Variants in FZR1 observed in about 807,000 individuals in gnomAD.
FZR1 encodes the protein fizzy-related protein homolog.
A neutral mutation model predicts 63.6 loss-of-function variants in FZR1; 11 were observed. That is an observed-to-expected ratio of 0.17 (90% confidence interval 0.11 to 0.29). The LOEUF (loss-of-function observed/expected upper bound fraction) is 0.29, where lower values mean the gene tolerates loss of function less well. Ranked by LOEUF, FZR1 falls within the 10% of genes least tolerant of loss-of-function variation. The pLI is 1.00. For synonymous variants in FZR1, 328 were observed against 297.9 expected (o/e 1.10, Z -1.04); for missense variants, 440 against 687.5 (o/e 0.64, Z 4.03).
chr19:3,534,409 T>C lies in FZR1; in HGVS notation c.1348-12T>C. 1 of 1,512,934 alleles carries C rather than the reference T, an allele frequency of 6.6e-7. No homozygotes were observed. The allele number at this position is 1,512,934 out of a possible 1,614,324, so 93.7% of individuals were successfully genotyped here. ...GGCCCAGAGACATGGGGTGCTTCCC[T>C]CCTGTCCACAGGCAATGTCCCCTGA... On this transcript the variant is annotated splice_polypyrimidine_tract_variant and intron_variant, in intron 12 of 13. Transcript: ENST00000441788.
chr19:3,508,948 G>A (rs1201836791), intron 1 of FZR1, among the ~76,000 whole-genome samples: 2 of 152,170 alleles, frequency 1.3e-5, no homozygotes, highest in African/African-American at 2.4e-5. Flanking sequence ...TCAGTGCCCT[G>A]GGCTGTGTGC....
rs539385415 is a variant in FZR1 at position 3,520,019 on chromosome 19, T to TC, written c.-34-2934dup. 2.1e-4 allele frequency among the ~76,000 whole-genome samples: 32 copies of TC among 152,240 alleles called. No individual in the cohort carries two copies. In the East Asian group the frequency reaches 5.8e-3, roughly 28 times the overall value. On this transcript the variant is annotated intron_variant, in intron 1 of 13. Coordinates refer to ENST00000441788, the MANE Select transcript of FZR1 (RefSeq NM_016263.4). ...GATTCCCTGTTCATCTGCAAATCAG[T>TC]CCCGGGGGGCCCCACACCCACACCT...
At chr19:3,519,087 G>T (rs954615537) in intron 1 of FZR1, among the ~76,000 whole-genome samples, 1 of 152,208 alleles carries the variant, frequency 6.6e-6, no homozygotes, top group Non-Finnish European at 1.5e-5. Context: ...CAGGGGCCGT[G>T]GGGGCACAGA....
At chr19:3,506,970 T>C (rs1289390555) in intron 1 of FZR1, among the ~76,000 whole-genome samples, 1 of 151,964 alleles carries the variant, frequency 6.6e-6, no homozygotes, top group African/African-American at 2.4e-5. Flanking sequence ...GAGCCTGTGG[T>C]GTGCGATGGC....
At chr19:3,527,598 T>C (rs1412295381) in intron 6 of FZR1, 33 bp from the exon 7 acceptor site, 4 of 1,577,352 alleles carry the variant, frequency 2.5e-6, no homozygotes, top group African/African-American at 2.7e-5. Flanking sequence ...CCAAGTGCCG[T>C]GGCTCACGGA....
At position 3,534,919 on chromosome 19, in the gene FZR1, C is replaced by T; in HGVS notation, c.*83C>T. On this transcript the variant is annotated 3_prime_UTR_variant, in exon 14 of 14. Transcript: ENST00000441788. ...TCAGCTTGCATGGACTCTGCCTTCCCAGCGCTTGTCCCCCGAGGAAGGCGG... is the reference window on the plus strand; with the variant it reads ...TCAGCTTGCATGGACTCTGCCTTCCTAGCGCTTGTCCCCCGAGGAAGGCGG... The T allele has an allele frequency of 8.7e-7, 1 of 1,143,208 alleles. No individual in the cohort carries two copies. Among genetic ancestry groups the T allele is most frequent in the Admixed American group, 1.7e-5 (1 of 58,872 alleles). 70.8% of individuals were successfully genotyped at this position (1,143,208 alleles called of 1,614,324 possible).
At chr19:3,510,333 C>T in intron 1 of FZR1, among the ~76,000 whole-genome samples, 1 of 152,106 alleles carries the variant, frequency 6.6e-6, no homozygotes, top group East Asian at 1.9e-4. Context: ...CGGGGTTTTA[C>T]CATGTTGCTC....
intron 1 of FZR1, among the ~76,000 whole-genome samples, chr19:3,513,458 G>C (rs10408882): frequency 0.31 from 47,393 of 152,194 alleles, 11,546 homozygotes; most frequent in African/African-American, 0.68. Flanking sequence ...AGACTGGCTG[G>C]ATTCACGTCC....
At chr19:3,510,812 T>C (rs1442265395) in intron 1 of FZR1, among the ~76,000 whole-genome samples, 1 of 152,176 alleles carries the variant, frequency 6.6e-6, no homozygotes, top group Non-Finnish European at 1.5e-5. Context: ...CTGTGCATTG[T>C]CACAACTGGG....
intron 7 of FZR1, 26 bp downstream of exon 7, chr19:3,527,840 T>C (rs1568236570): frequency 6.4e-7 from 1 of 1,572,406 alleles, no homozygotes; most frequent in Admixed American, 1.7e-5. Context: ...GGTGTGCATG[T>C]GCATGGGGGC....
chr19:3,527,548 C>A, intron 6 of FZR1, 83 bp from the exon 7 acceptor site: 1 of 1,103,760 alleles, frequency 9.1e-7, no homozygotes, highest in Non-Finnish European at 1.3e-6. Flanking sequence ...CTGGGGCTGG[C>A]AGGGAAGGAG....
At chr19:3,522,649 T>C (rs958362414) in intron 1 of FZR1, among the ~76,000 whole-genome samples, 7 of 152,176 alleles carry the variant, frequency 4.6e-5, no homozygotes, top group African/African-American at 1.7e-4. Context: ...AGAGTCCTTG[T>C]CGGGACCTCC....
intron 7 of FZR1, among the ~76,000 whole-genome samples, chr19:3,528,836 TGA>T (rs1202583943): frequency 2.3e-5 from 3 of 128,396 alleles, no homozygotes; most frequent in South Asian, 2.5e-4. Context: ...GGAGAATGGA[TGA>T]GAGAGTGGAT....
chr19:3,509,782 C>T (rs1469366031), intron 1 of FZR1, among the ~76,000 whole-genome samples: 5 of 152,316 alleles, frequency 3.3e-5, no homozygotes, highest in Admixed American at 6.5e-5. Context: ...TGAGTCAGAG[C>T]CCTGCTCTTT....
chr19:3,508,040 T>G (rs1368106025), intron 1 of FZR1, among the ~76,000 whole-genome samples: 3 of 146,950 alleles, frequency 2.0e-5, no homozygotes, highest in African/African-American at 5.0e-5. Context: ...CCCGCCAGTT[T>G]GCCCCTGTGA....
chr19:3,527,603 C>A (rs376868449), intron 6 of FZR1, 28 bp from the exon 7 acceptor site: 129 of 1,581,350 alleles, frequency 8.2e-5, no homozygotes, highest in Non-Finnish European at 1.1e-4. Context: ...TGCCGTGGCT[C>A]ACGGATGCCA....
chr19:3,514,159 C>T lies in FZR1; in HGVS notation c.-35+7685C>T, dbSNP rs2083042260. Among the ~76,000 whole-genome samples, 1 of 152,162 alleles carries T rather than the reference C, an allele frequency of 6.6e-6. No individual in the cohort carries two copies. Among genetic ancestry groups the T allele is most frequent in the African/African-American group, 2.4e-5 (1 of 41,438 alleles). ...GACAGCCCCTCACGCTTTGCGTCCC[C>T]ACTCAGGGACACCTCAAAGTCGAGC... On this transcript the variant is annotated intron_variant, in intron 1 of 13. Coordinates refer to ENST00000441788, the MANE Select transcript of FZR1 (RefSeq NM_016263.4). This position sits in a 1 kb window ranked among gnomAD's most constrained non-coding sequence, Gnocchi z 4.2.
chr19:3,508,045 C>T (rs2082997925), intron 1 of FZR1, among the ~76,000 whole-genome samples: 1 of 143,634 alleles, frequency 7.0e-6, no homozygotes, highest in Admixed American at 7.1e-5. Flanking sequence ...CAGTTTGCCC[C>T]TGTGACTTGC....
At chr19:3,532,386 C>T in intron 10 of FZR1, 31 bp from the exon 11 acceptor site, 5 of 1,536,780 alleles carry the variant, frequency 3.3e-6, no homozygotes, top group Non-Finnish European at 4.4e-6. Context: ...AGGGCTGGGA[C>T]AGCCCCGGCC....
Sources: allele counts gnomAD v4.1 joint callset (sites outside exome capture counted in the v4.1 genomes callset), GRCh38; gene constraint gnomAD v4.1.1; non-coding constraint Gnocchi (gnomAD v3.1); transcripts MANE v1.5; gene names NCBI Gene and HGNC (gene_info 2026-07-23, HGNC 2026-07-21).